The following NRG3 variants were observed in gnomAD, a reference collection of about 807,000 sequenced individuals.
NRG3 encodes neuregulin 3.
A neutral mutation model predicts 66.9 loss-of-function variants in NRG3; 31 were observed. The ratio of observed to expected loss-of-function variants is 0.46; its 90% CI spans 0.35 to 0.63. NRG3 has a LOEUF of 0.63. Ranked by LOEUF, NRG3 falls within the 20% of genes least tolerant of loss-of-function variation. The pLI, the probability that NRG3 is intolerant of heterozygous loss-of-function variation, is 0.00. For missense variants in NRG3, 910 were observed against 878.9 expected, an observed-to-expected ratio of 1.04 and a Z score of -0.45; for synonymous variants, 393 against 359.4, an observed-to-expected ratio of 1.09 and a Z score of -1.06.
At chr10:82,514,334 C>T (rs1845461172) in intron 2 of NRG3, among the ~76,000 whole-genome samples, 1 of 152,122 alleles carries the variant, frequency 6.6e-6, no homozygotes, top group Non-Finnish European at 1.5e-5. Flanking sequence ...AAATGTAAGC[C>T]TTTAATCCAT....
intron 1 of NRG3, among the ~76,000 whole-genome samples, chr10:82,028,396 A>G (rs921613238): frequency 1.3e-5 from 2 of 152,002 alleles, no homozygotes; most frequent in Non-Finnish European, 2.9e-5. Context: ...CTGCTCTTCA[A>G]TAGTCTCACT....
Position 82,397,298 on chromosome 10 carries a change from A to G in NRG3, c.953+38430A>G, listed in dbSNP as rs143326021. Among the ~76,000 whole-genome samples, 65 of 152,290 alleles carry G rather than the reference A, an allele frequency of 4.3e-4. 1 individual carries two copies. Among genetic ancestry groups the G allele is most frequent in the African/African-American group, 1.5e-3 (61 of 41,568 alleles). On this transcript the variant is annotated intron_variant, in intron 2 of 8. Transcript: ENST00000372141. The stretch of plus-strand genomic sequence containing the variant: ...TGCCAGACCTCATGCCTGGTTTAGA[A>G]TGCTCATCGGGAAGAAAAAGGTGCT...
At chr10:82,187,419 T>C (rs545806426) in intron 1 of NRG3, among the ~76,000 whole-genome samples, 1 of 152,330 alleles carries the variant, frequency 6.6e-6, no homozygotes, top group East Asian at 1.9e-4. Flanking sequence ...TTTAAATCTC[T>C]TGAAGAAACA....
At chr10:82,766,510 A>G (rs962639200) in intron 3 of NRG3, among the ~76,000 whole-genome samples, 3 of 152,118 alleles carry the variant, frequency 2.0e-5, no homozygotes, top group African/African-American at 7.2e-5. Flanking sequence ...ACATTTTATA[A>G]TTTGCTTGAG....
intron 3 of NRG3, among the ~76,000 whole-genome samples, chr10:82,818,613 G>C (rs2061816084): frequency 6.6e-6 from 1 of 152,002 alleles, no homozygotes. Context: ...TCTAGCGGAG[G>C]GTGGGGGAGT....
At chr10:82,799,767 A>G (rs1411105049) in intron 3 of NRG3, 1 of 152,172 alleles carries the variant, frequency 6.6e-6, no homozygotes, top group Non-Finnish European at 1.5e-5. Context: ...GTCTCCAGGC[A>G]GGGTACTGAG....
chr10:82,083,633 T>C (rs2065529100), intron 1 of NRG3, among the ~76,000 whole-genome samples: 1 of 150,534 alleles, frequency 6.6e-6, no homozygotes, highest in South Asian at 2.1e-4. Flanking sequence ...GTTTCGCTCT[T>C]GTCCAGGCTG....
Position 81,875,408 on chromosome 10 carries a change from AGGGCACCGCGGCGGCTGCGGC to A in NRG3, c.71_91del (p.Gly24_Ala30del). 3.9e-6 allele frequency: 4 copies of A among 1,023,820 alleles called. No individual in the cohort carries two copies. Among genetic ancestry groups the A allele is most frequent in the Non-Finnish European group, 4.7e-6 (4 of 857,980 alleles). 63.4% of individuals were successfully genotyped at this position (1,023,820 alleles called of 1,614,324 possible). On this transcript the variant is annotated inframe_deletion, in exon 1 of 9. Coordinates refer to ENST00000372141, the MANE Select transcript of NRG3 (RefSeq NM_001010848.4). The surrounding 1 kb of genome is among the most constrained non-coding windows in gnomAD (Gnocchi z 5.3). ...TCGGCAGCCGCCGCCTCGGCCGAGGAGGGCACCGCGGCGGCTGCGGCGGCGGCAGCGGCGGGCGGGGGCCCG... is the reference window on the plus strand; with the variant it reads ...TCGGCAGCCGCCGCCTCGGCCGAGGAGGCGGCAGCGGCGGGCGGGGGCCCG...
chr10:82,750,366 T>G (rs1309853201), intron 3 of NRG3, among the ~76,000 whole-genome samples: 1 of 152,206 alleles, frequency 6.6e-6, no homozygotes, highest in South Asian at 2.1e-4. Context: ...CAGTTTTTAA[T>G]ATAGTTTTAA....
chr10:82,685,748 T>C (rs2054462962), intron 2 of NRG3, among the ~76,000 whole-genome samples: 1 of 152,232 alleles, frequency 6.6e-6, no homozygotes, highest in Non-Finnish European at 1.5e-5. Context: ...ATTTTCTCTC[T>C]GTATATCTTT....
chr10:82,557,404 T>G (rs921801684), intron 2 of NRG3, among the ~76,000 whole-genome samples: 1 of 152,210 alleles, frequency 6.6e-6, no homozygotes, highest in Non-Finnish European at 1.5e-5. Flanking sequence ...TGAGCTTTTT[T>G]TTCATATGCT....
chr10:82,067,886 G>A (rs78522448), intron 1 of NRG3, among the ~76,000 whole-genome samples: 4,995 of 152,224 alleles, frequency 0.033, 120 homozygotes, highest in Non-Finnish European at 0.048. Context: ...CAGGGATATA[G>A]GCATTTGCTT....
chr10:82,004,504 G>A lies in NRG3; in HGVS notation c.823+128341G>A, dbSNP rs536245129. Among the ~76,000 whole-genome samples, 24 of 152,162 alleles carry A rather than the reference G, an allele frequency of 1.6e-4. 1 individual carries two copies. The East Asian group carries it at 1.9e-3, about 12-fold the overall frequency. On this transcript the variant is annotated intron_variant, in intron 1 of 8. Coordinates refer to ENST00000372141, the MANE Select transcript of NRG3 (RefSeq NM_001010848.4). Reference sequence around the variant, plus strand: ...CCAGGTAGTCATCATCAATCTAACCGTAACTGAACAAATCCCATGTTTCTG... The same window carrying A: ...CCAGGTAGTCATCATCAATCTAACCATAACTGAACAAATCCCATGTTTCTG...
chr10:82,950,998 ATAG>A (rs35320507), intron 4 of NRG3, among the ~76,000 whole-genome samples: 16,651 of 152,194 alleles, frequency 0.11, 1,226 homozygotes, highest in Non-Finnish European at 0.17. Flanking sequence ...AATCATAGTG[ATAG>A]TAGGAAGAAT....
At chr10:82,488,839 C>A (rs970012030) in intron 2 of NRG3, among the ~76,000 whole-genome samples, 6 of 152,042 alleles carry the variant, frequency 3.9e-5, no homozygotes, top group African/African-American at 1.4e-4. Flanking sequence ...GATCTTCATA[C>A]CATAGGGTCT....
At chr10:82,480,399 A>G (rs937615430) in intron 2 of NRG3, among the ~76,000 whole-genome samples, 2 of 152,230 alleles carry the variant, frequency 1.3e-5, no homozygotes, top group African/African-American at 4.8e-5. Flanking sequence ...AAAAAGGATG[A>G]TATTTCTGTA....
chr10:82,418,592 T>G (rs373643089), intron 2 of NRG3, among the ~76,000 whole-genome samples: 2 of 152,080 alleles, frequency 1.3e-5, no homozygotes, highest in Admixed American at 6.6e-5. Context: ...CCCTCCAGTG[T>G]AAAGACTTTT....
chr10:81,973,422 C>G (rs918518946), intron 1 of NRG3, among the ~76,000 whole-genome samples: 1 of 151,978 alleles, frequency 6.6e-6, no homozygotes, highest in African/African-American at 2.4e-5. Context: ...GGGTATATAC[C>G]CAGTAATGGG....
At chr10:82,953,767 G>C (rs904683174) in intron 5 of NRG3, among the ~76,000 whole-genome samples, 20 of 151,814 alleles carry the variant, frequency 1.3e-4, no homozygotes, top group Admixed American at 5.2e-4. Context: ...AGACCAGCCT[G>C]GCCAACATGG....
Sources: allele counts gnomAD v4.1 joint callset (sites outside exome capture counted in the v4.1 genomes callset), GRCh38; gene constraint gnomAD v4.1.1; non-coding constraint Gnocchi (gnomAD v3.1); transcripts MANE v1.5; gene names NCBI Gene and HGNC (gene_info 2026-07-23, HGNC 2026-07-21).